Variants in TMEM204 observed in about 807,000 individuals in gnomAD.
TMEM204 encodes the protein claudin-like protein 24.
Under a neutral mutation model 19.4 loss-of-function variants are expected in TMEM204, and 15 were observed. The observed-to-expected ratio is 0.77, with a 90% CI of 0.52 to 1.19. The LOEUF (loss-of-function observed/expected upper bound fraction) is 1.19. Ranked by LOEUF, TMEM204 falls within the 50% of genes most tolerant of loss-of-function variation. The pLI, the probability that TMEM204 is intolerant of heterozygous loss-of-function variation, is 0.00. For synonymous variants in TMEM204, 161 were observed against 146.0 expected (o/e 1.10, Z -0.74); for missense variants, 287 against 321.2 (o/e 0.89, Z 0.81).
intron 1 of TMEM204, among the ~76,000 whole-genome samples, chr16:1,537,042 C>T (rs907767614): frequency 2.6e-5 from 4 of 152,260 alleles, no homozygotes; most frequent in Admixed American, 6.5e-5. Context: ...CAGCTCCTAG[C>T]GTCTTCCTTC....
rs1052802636 is a variant in TMEM204, at chr16:1,534,135, C to T, written c.-141C>T. Reference sequence around the variant, plus strand: ...CGAGAGGCGGCACACCTGGACCATCCCATGGGCCTCCGCCCGCGCCGCCCC... The same window carrying T: ...CGAGAGGCGGCACACCTGGACCATCTCATGGGCCTCCGCCCGCGCCGCCCC... On this transcript the variant is annotated 5_prime_UTR_variant, in exon 1 of 3. Coordinates refer to ENST00000566264, the MANE Select transcript of TMEM204 (RefSeq NM_024600.6). 45 of 1,075,856 alleles carry T rather than the reference C, an allele frequency of 4.2e-5. No individual in the cohort carries two copies. Among genetic ancestry groups the T allele is most frequent in the Non-Finnish European group, 5.6e-5 (43 of 769,206 alleles). The allele number at this position is 1,075,856 out of a possible 1,614,324, so 66.6% of individuals were successfully genotyped here. A position where few individuals can be genotyped will look rare whatever the true frequency, so the allele number is the denominator to read the frequency against.
chr16:1,541,281 AGGGGGGCAGGT>A, intron 1 of TMEM204: 1 of 984,814 alleles, frequency 1.0e-6, no homozygotes, highest in South Asian at 4.7e-5. Context: ...CCAGGAGGTG[AGGGGGGCAGGT>A]GGGGGGCACT....
At position 1,554,790 on chromosome 16, in the gene TMEM204, C is replaced by T. The variant is rs755789905; in HGVS notation, c.445C>T (p.Leu149=). ...AAAFQLASFV[L]VIGLVTFYRI... is the part of the protein sequence containing the mutation. The stretch of plus-strand genomic sequence containing the variant: ...CCTTCTCTCATCTGCAGGTTTTGTC[C>T]TGGTCATCGGGCTCGTGACTTTCTA... Residue 149 remains leucine, a synonymous_variant, in exon 3 of 3, where the codon CTG becomes TTG. Coordinates refer to ENST00000566264, the MANE Select transcript of TMEM204 (RefSeq NM_024600.6). The T allele has an allele frequency of 6.2e-7, 1 of 1,614,160 alleles. No homozygotes were observed. Among genetic ancestry groups the T allele is most frequent in the East Asian group, 2.2e-5 (1 of 44,892 alleles).
intron 1 of TMEM204, among the ~76,000 whole-genome samples, chr16:1,539,030 A>G (rs1210425877): frequency 6.6e-6 from 1 of 150,674 alleles, no homozygotes; most frequent in African/African-American, 2.5e-5. Flanking sequence ...AGGCCTCAGC[A>G]AGCTGCACAG....
rs188607058 is a variant in TMEM204 at position 1,541,936 on chromosome 16, T to C, written c.296T>C (p.Met99Thr). ...TGGCCCACAGTGCAGTTCGACATGA[T>C]GCGCGCCTGCAACCTGGTGGCCACG... is the stretch of plus-strand genomic sequence containing the variant. ...RGTVKLQFDM[M>T]RACNLVATAA... Residue 99 changes from methionine (M) to threonine (T), a missense_variant, in exon 2 of 3, where the codon ATG becomes ACG. Transcript: ENST00000566264. 1 of 1,605,826 alleles carries C rather than the reference T, an allele frequency of 6.2e-7. No homozygotes were observed. The highest frequency in any genetic ancestry group is 8.5e-7 in the Non-Finnish European group (1 of 1,176,908).
Position 1,553,133 on chromosome 16 carries a change from G to C in TMEM204, c.437-1649G>C. ...GGTACAGTGATGATGAAAAGATAAT[G>C]CTTGGGTTTTTAGGAAAAACAAGGC... On this transcript the variant is annotated intron_variant, in intron 2 of 2. Transcript: ENST00000566264. The surrounding 1 kb of genome is among the most constrained non-coding windows in gnomAD (Gnocchi z 4.4). The C allele has an allele frequency of 2.0e-6, 2 of 985,366 alleles. No individual in the cohort carries two copies. Among genetic ancestry groups the C allele is most frequent in the Middle Eastern group, 5.2e-4 (1 of 1,914 alleles). 61.0% of individuals were successfully genotyped at this position (985,366 alleles called of 1,614,324 possible). A position where few individuals can be genotyped will look rare whatever the true frequency, so the allele number is the denominator to read the frequency against.
intron 2 of TMEM204, among the ~76,000 whole-genome samples, 163 bp downstream of exon 2, chr16:1,542,239 C>T (rs371594237): frequency 1.2e-4 from 19 of 152,376 alleles, no homozygotes; most frequent in Admixed American, 1.1e-3. Context: ...TCCTCCCTCC[C>T]TCTTGCTGTA....
intron 2 of TMEM204, among the ~76,000 whole-genome samples, chr16:1,542,628 G>A (rs879456686): frequency 1.3e-5 from 2 of 152,254 alleles, no homozygotes; most frequent in Non-Finnish European, 2.9e-5. Flanking sequence ...GGCCCTTTCC[G>A]TGAGCGGGAC....
chr16:1,549,822 G>T (rs2032485576), intron 2 of TMEM204, among the ~76,000 whole-genome samples: 1 of 152,180 alleles, frequency 6.6e-6, no homozygotes, highest in African/African-American at 2.4e-5. Flanking sequence ...GACGGTCCCT[G>T]CCTGTTAGGC....
rs540229484 is a variant in TMEM204, at chr16:1,534,259, C to A, written c.-17C>A. On this transcript the variant is annotated 5_prime_UTR_variant, in exon 1 of 3. Transcript: ENST00000566264. ...GACTTGGCTTTCTCCGGATAAGCGG[C>A]GGCACCGGCGTCAGCGATGACCGTG... 20 of 1,607,976 alleles carry A rather than the reference C, an allele frequency of 1.2e-5. No homozygotes were observed. The East Asian group carries it at 4.5e-4, about 36-fold the overall frequency.
rs566532614 is a variant in TMEM204, at chr16:1,553,773, C to T, written c.437-1009C>T. ...ATGAGGAGGGGCAGGGCCATGTGGA[C>T]AGCCTCTCCTCCATCCTAGAGCCTA... On this transcript the variant is annotated intron_variant, in intron 2 of 2. Transcript: ENST00000566264. This position sits in a 1 kb window ranked among gnomAD's most constrained non-coding sequence, Gnocchi z 4.4. 93 of 1,177,702 alleles carry T rather than the reference C, an allele frequency of 7.9e-5. No homozygotes were observed. Among genetic ancestry groups the T allele is most frequent in the Non-Finnish European group, 9.7e-5 (91 of 936,094 alleles). The allele number at this position is 1,177,702 out of a possible 1,614,324, so 73.0% of individuals were successfully genotyped here.
At chr16:1,544,373 G>C (rs550517172) in intron 2 of TMEM204, among the ~76,000 whole-genome samples, 3 of 151,946 alleles carry the variant, frequency 2.0e-5, no homozygotes, top group Non-Finnish European at 4.4e-5. Flanking sequence ...TTTTAGTAGA[G>C]ATGGGGTTTC....
At chr16:1,541,884 C>G in intron 1 of TMEM204, 37 bp from the exon 2 acceptor site, 1 of 1,551,204 alleles carries the variant, frequency 6.4e-7, no homozygotes, top group Non-Finnish European at 8.7e-7. Context: ...TGGAGCCCAC[C>G]TGCACTCACC....
At position 1,534,045 on chromosome 16, in the gene TMEM204, G is replaced by A. The variant is rs1249931042; in HGVS notation, c.-231G>A. The stretch of plus-strand genomic sequence containing the variant: ...CCCTCTGCTCCCTGGGATGGGCCCC[G>A]AGGCGAGCAGCTTCAGCACAGGCCT... On this transcript the variant is annotated 5_prime_UTR_variant, in exon 1 of 3. Transcript: ENST00000566264. 10 of 550,546 alleles carry A rather than the reference G, an allele frequency of 1.8e-5. No homozygotes were observed. The highest frequency in any genetic ancestry group is 4.7e-4 in the Middle Eastern group (1 of 2,146). The allele number at this position is 550,546 out of a possible 1,614,324, so 34.1% of individuals were successfully genotyped here.
chr16:1,547,623 G>A (rs540448961), intron 2 of TMEM204, among the ~76,000 whole-genome samples: 4 of 152,210 alleles, frequency 2.6e-5, no homozygotes, highest in African/African-American at 4.8e-5. Flanking sequence ...TATAAGTTCC[G>A]CCTCCCAGGT....
At chr16:1,547,520 C>T (rs564275160) in intron 2 of TMEM204, among the ~76,000 whole-genome samples, 5 of 152,114 alleles carry the variant, frequency 3.3e-5, no homozygotes, top group African/African-American at 4.8e-5. Flanking sequence ...TACAATAACC[C>T]GGTTCTTTGC....
In TMEM204 at chr16:1,534,547, C is replaced by CCGTCAAA. The variant is rs1567340810; in HGVS notation, c.276_280+2dup. On this transcript the variant is annotated frameshift_variant, in exon 1 of 3. Transcript: ENST00000566264. LOFTEE classifies it high-confidence loss of function. The stretch of plus-strand genomic sequence containing the variant: ...GCCGGCTTCCAGGAGTCCCGAGGCA[C>CCGTCAAA]CGTCAAACGTAAGTCCAATTGTTTT... 6.2e-7 allele frequency: 1 copy of CCGTCAAA among 1,603,258 alleles called. No homozygotes were observed. The highest frequency in any genetic ancestry group is 1.1e-5 in the South Asian group (1 of 91,086).
In TMEM204 at chr16:1,553,996, C is replaced by G; in HGVS notation, c.437-786C>G. On this transcript the variant is annotated intron_variant, in intron 2 of 2. Coordinates refer to ENST00000566264, the MANE Select transcript of TMEM204 (RefSeq NM_024600.6). This position sits in a 1 kb window ranked among gnomAD's most constrained non-coding sequence, Gnocchi z 4.4. ...ACTAGACGGGAACAAGCTGCGCCAA[C>G]CAAGGGTTGCTCACGGCCCACCTCT... The G allele has an allele frequency of 7.8e-7, 1 of 1,287,190 alleles. No homozygotes were observed. The highest frequency in any genetic ancestry group is 1.0e-6 in the Non-Finnish European group (1 of 988,676). The allele number at this position is 1,287,190 out of a possible 1,614,324, so 79.7% of individuals were successfully genotyped here. A position where few individuals can be genotyped will look rare whatever the true frequency, so the allele number is the denominator to read the frequency against.
At chr16:1,554,199 C>A in intron 2 of TMEM204, 1 of 1,144,216 alleles carries the variant, frequency 8.7e-7, no homozygotes, top group South Asian at 1.3e-5. Flanking sequence ...GAGCTGCAGA[C>A]TCCAGGCCAT....
Sources: gnomAD v4.1 joint callset for allele counts (sites outside exome capture counted in the v4.1 genomes callset) on GRCh38, gnomAD v4.1.1 for gene constraint, Gnocchi (gnomAD v3.1) non-coding constraint, MANE v1.5 for transcripts, NCBI Gene and HGNC (gene_info 2026-07-23, HGNC 2026-07-21) for gene names.